Variants in ATF7IP observed in about 807,000 individuals in gnomAD.
ATF7IP encodes activating transcription factor 7 interacting protein, also known as activating transcription factor 7-interacting protein 1.
In ATF7IP, 23 loss-of-function variants were observed where a neutral mutation model predicts 106.4. The ratio of observed to expected loss-of-function variants is 0.22; its 90% CI spans 0.16 to 0.31. The LOEUF is 0.31. Ranked by LOEUF, ATF7IP falls within the 10% of genes least tolerant of loss-of-function variation. The pLI is 1.00. For synonymous variants in ATF7IP, 542 were observed against 539.0 expected (o/e 1.01, Z -0.08); for missense variants, 1,334 against 1,524.3 (o/e 0.88, Z 2.08).
intron 14 of ATF7IP, among the ~76,000 whole-genome samples, chr12:14,497,028 C>T (rs916571379): frequency 6.6e-6 from 1 of 152,156 alleles, no homozygotes; most frequent in African/African-American, 2.4e-5. Flanking sequence ...CTTGTCCATA[C>T]GTCCCCTCAC....
chr12:14,433,545 CTGTAA>C (rs1335604661), intron 2 of ATF7IP, among the ~76,000 whole-genome samples: 1 of 151,724 alleles, frequency 6.6e-6, no homozygotes, highest in Non-Finnish European at 1.5e-5. Flanking sequence ...TGGCGGGTGC[CTGTAA>C]TCCCAGCTAC....
chr12:14,447,718 GTA>G (rs1943038398), intron 6 of ATF7IP, among the ~76,000 whole-genome samples: 1 of 152,056 alleles, frequency 6.6e-6, no homozygotes, highest in African/African-American at 2.4e-5. Flanking sequence ...TTTCCCCAAA[GTA>G]TTTTAGTATT....
At chr12:14,472,642 G>A (rs1944095153) in intron 10 of ATF7IP, among the ~76,000 whole-genome samples, 1 of 151,956 alleles carries the variant, frequency 6.6e-6, no homozygotes, top group African/African-American at 2.4e-5. Flanking sequence ...TGAAACATTA[G>A]TTTCTCTTGG....
intron 1 of ATF7IP, among the ~76,000 whole-genome samples, chr12:14,401,903 G>A (rs1272326970): frequency 6.7e-6 from 1 of 149,860 alleles, no homozygotes; most frequent in Non-Finnish European, 1.5e-5. Context: ...TAGTAGAGAC[G>A]GGGTTTTACC....
In ATF7IP at chr12:14,436,782, CTTTT is replaced by C. The variant is rs58703478; in HGVS notation, c.1791+541_1791+544del. On this transcript the variant is annotated intron_variant, in intron 4 of 14. Transcript: ENST00000261168. ...CTTTCTGACTTCTTTTTGGCTACAT[CTTTT>C]TTTTTTTTTAAAAAAGGTTATGATT... 4.5e-3 allele frequency among the ~76,000 whole-genome samples: 666 copies of C among 148,288 alleles called. 3 individuals carry two copies. The highest frequency in any genetic ancestry group is 0.016 in the African/African-American group (635 of 40,692).
chr12:14,406,130 C>T lies in ATF7IP; in HGVS notation c.-7-17779C>T, dbSNP rs146136050. Among the ~76,000 whole-genome samples, 211 of 152,246 alleles carry T rather than the reference C, an allele frequency of 1.4e-3. 1 individual carries two copies. Among genetic ancestry groups the T allele is most frequent in the African/African-American group, 3.9e-3 (161 of 41,544 alleles). On this transcript the variant is annotated intron_variant, in intron 1 of 14. Transcript: ENST00000261168. Reference sequence around the variant, plus strand: ...TTTTTTATTTTTTGAGATGGAGTCTCGCTTTATTGCCCAGGTGGAGTGCAG... The same window carrying T: ...TTTTTTATTTTTTGAGATGGAGTCTTGCTTTATTGCCCAGGTGGAGTGCAG...
In ATF7IP at chr12:14,383,665, G is replaced by C. The variant is rs567237547; in HGVS notation, c.-8+17838G>C. Among the ~76,000 whole-genome samples the C allele has an allele frequency of 8.9e-4, 135 of 152,268 alleles. 2 individuals are homozygous for C. The highest frequency in any genetic ancestry group is 3.2e-3 in the African/African-American group (134 of 41,564). On this transcript the variant is annotated intron_variant, in intron 1 of 14. Transcript: ENST00000261168. The stretch of plus-strand genomic sequence containing the variant: ...ACTTCTGGGCTCAAGTGATCTTCCT[G>C]CATCAGCCTCTTGAGTAGCTGGAAC...
intron 13 of ATF7IP, among the ~76,000 whole-genome samples, chr12:14,489,681 CT>C (rs1944744129): frequency 6.6e-6 from 1 of 152,122 alleles, no homozygotes; most frequent in Non-Finnish European, 1.5e-5. Context: ...GTAATTGTGA[CT>C]TCAAAAGGCC....
At chr12:14,494,512 C>A (rs1944947386) in intron 13 of ATF7IP, among the ~76,000 whole-genome samples, 1 of 143,734 alleles carries the variant, frequency 7.0e-6, no homozygotes, top group Non-Finnish European at 1.5e-5. Flanking sequence ...TACTTTATAT[C>A]CTACTATATA....
intron 13 of ATF7IP, among the ~76,000 whole-genome samples, chr12:14,485,358 G>A (rs1446261681): frequency 2.0e-5 from 3 of 151,798 alleles, no homozygotes; most frequent in Non-Finnish European, 2.9e-5. Context: ...GCAGCAACTA[G>A]TCTTTCACCT....
At chr12:14,455,264 T>C (rs1349975345) in intron 6 of ATF7IP, among the ~76,000 whole-genome samples, 1 of 152,230 alleles carries the variant, frequency 6.6e-6, no homozygotes, top group Non-Finnish European at 1.5e-5. Context: ...TTTAAGCTTT[T>C]TGCATTCGCC....
chr12:14,478,057 G>C (rs1479405933), intron 11 of ATF7IP, among the ~76,000 whole-genome samples: 1 of 152,128 alleles, frequency 6.6e-6, no homozygotes, highest in Non-Finnish European at 1.5e-5. Flanking sequence ...ATATTGTACT[G>C]ATTTACAAGT....
intron 13 of ATF7IP, among the ~76,000 whole-genome samples, chr12:14,488,090 TGAAA>T (rs1161631336): frequency 6.6e-6 from 1 of 152,020 alleles, no homozygotes; most frequent in Non-Finnish European, 1.5e-5. Flanking sequence ...CCAAAATCAA[TGAAA>T]GAACTCCATC....
At chr12:14,436,617 G>A (rs569353735) in intron 4 of ATF7IP, among the ~76,000 whole-genome samples, 49 of 152,216 alleles carry the variant, frequency 3.2e-4, no homozygotes, top group African/African-American at 1.0e-3. Context: ...ACTTGAACCC[G>A]GGAGGTGGAG....
intron 9 of ATF7IP, among the ~76,000 whole-genome samples, chr12:14,461,857 G>GGGTA (rs1296444522): frequency 1.3e-5 from 2 of 152,156 alleles, no homozygotes; most frequent in Admixed American, 1.3e-4. Flanking sequence ...AGTCATGCAA[G>GGGTA]GGTAGGCATC....
rs1180386188 is a variant in ATF7IP, at chr12:14,500,661, T to C, written c.*2588T>C. 1 of 152,214 alleles carries C rather than the reference T, an allele frequency of 6.6e-6. No homozygotes were observed. Among genetic ancestry groups the C allele is most frequent in the Non-Finnish European group, 1.5e-5 (1 of 68,034 alleles). The allele number at this position is 152,214 out of a possible 1,614,324, so 9.4% of individuals were successfully genotyped here. On this transcript the variant is annotated 3_prime_UTR_variant, in exon 15 of 15. Coordinates refer to ENST00000261168, the MANE Select transcript of ATF7IP (RefSeq NM_018179.5). ...ATTGGGTGTTTTTATGGTCACGTGG[T>C]AACAATTTTCTTACCTAACCTACAA...
intron 5 of ATF7IP, among the ~76,000 whole-genome samples, chr12:14,444,822 T>C (rs1197637453): frequency 6.6e-6 from 1 of 152,154 alleles, no homozygotes; most frequent in African/African-American, 2.4e-5. Flanking sequence ...GTTCATTTTC[T>C]TTCCCACTTT....
intron 2 of ATF7IP, among the ~76,000 whole-genome samples, chr12:14,430,005 G>A (rs1757558718): frequency 6.6e-6 from 1 of 152,144 alleles, no homozygotes; most frequent in African/African-American, 2.4e-5. Context: ...GTAGCATGTA[G>A]CTATTAGGTG....
intron 5 of ATF7IP, among the ~76,000 whole-genome samples, chr12:14,444,987 CT>C (rs1942879099): frequency 6.8e-6 from 1 of 147,892 alleles, no homozygotes; most frequent in Non-Finnish European, 1.5e-5. Context: ...GTGTAACCAC[CT>C]AGTTTTTTTT....
Sources: gnomAD v4.1 joint callset for allele counts (sites outside exome capture counted in the v4.1 genomes callset) on GRCh38, gnomAD v4.1.1 for gene constraint, MANE v1.5 for transcripts, NCBI Gene and HGNC (gene_info 2026-07-23, HGNC 2026-07-21) for gene names.